Variants in TENM1 observed in about 807,000 individuals in gnomAD.
The protein encoded by TENM1 is teneurin transmembrane protein 1.
In TENM1, 35 loss-of-function variants were observed where a neutral mutation model predicts 174.8. That is an observed-to-expected ratio of 0.20 (90% CI 0.15 to 0.27). The LOEUF (loss-of-function observed/expected upper bound fraction) is 0.27. Ranked by LOEUF, TENM1 falls within the 10% of genes least tolerant of loss-of-function variation. The probability of loss-of-function intolerance (pLI) is 1.00; values close to 1 mark genes in which losing one functional copy is unlikely to be tolerated. For missense variants in TENM1, 1,633 were observed against 2,130.1 expected (o/e 0.77, Z 4.59); for synonymous variants, 781 against 798.7 (o/e 0.98, Z 0.37).
At chrX:124,546,641 T>G (rs1442917876) in intron 15 of TENM1, among the ~76,000 whole-genome samples, 1 of 111,986 alleles carries the variant, frequency 8.9e-6, no homozygotes. Context: ...AAAAGCCATA[T>G]TATATATATA....
intron 20 of TENM1, among the ~76,000 whole-genome samples, chrX:124,488,699 G>T (rs1350776900): frequency 8.9e-6 from 1 of 112,338 alleles, no homozygotes; most frequent in Non-Finnish European, 1.9e-5. Context: ...ATTATAGAAT[G>T]AGTGTGTTTG....
chrX:125,055,527 T>C, the TENM1 span, among the ~76,000 whole-genome samples: 1 of 111,748 alleles, frequency 8.9e-6, no homozygotes, highest in African/African-American at 3.2e-5. Context: ...TCCCACCAAC[T>C]ACCACAGTGG....
intron 1 of TENM1, among the ~76,000 whole-genome samples, chrX:124,927,797 T>C (rs1055986105): frequency 1.8e-5 from 2 of 111,367 alleles, no homozygotes; most frequent in Admixed American, 9.6e-5. Flanking sequence ...AATTGCACTG[T>C]AGGGAAATAA....
intron 3 of TENM1, among the ~76,000 whole-genome samples, chrX:124,738,979 AG>A (rs1183504505): frequency 8.9e-6 from 1 of 112,253 alleles, no homozygotes; most frequent in Non-Finnish European, 1.9e-5. Flanking sequence ...TAAGATTTAG[AG>A]ACAAAGAATT....
intron 11 of TENM1, among the ~76,000 whole-genome samples, chrX:124,627,054 T>C (rs1483112481): frequency 8.9e-6 from 1 of 111,989 alleles, no homozygotes; most frequent in Non-Finnish European, 1.9e-5. Context: ...ATCCTTGGTA[T>C]AGCTGTTCCA....
chrX:124,751,528 A>C (rs1427649120), intron 3 of TENM1, among the ~76,000 whole-genome samples: 2 of 109,981 alleles, frequency 1.8e-5, no homozygotes, highest in Admixed American at 9.7e-5. Context: ...TTTAGGGTAC[A>C]TGTGCACAAT....
chrX:124,770,530 C>T (rs1028040021), intron 3 of TENM1, among the ~76,000 whole-genome samples: 2 of 110,799 alleles, frequency 1.8e-5, no homozygotes, highest in African/African-American at 6.6e-5. Context: ...CTCAGCCTCC[C>T]GAGTAGCTGG....
At chrX:125,153,128 G>A in the TENM1 span, among the ~76,000 whole-genome samples, 1 of 111,976 alleles carries the variant, frequency 8.9e-6, no homozygotes, top group Non-Finnish European at 1.9e-5. Context: ...GGTAAAACCA[G>A]CAGAATTCTC....
intron 1 of TENM1, among the ~76,000 whole-genome samples, chrX:124,946,287 G>A (rs866995891): frequency 7.1e-5 from 8 of 112,165 alleles, no homozygotes; most frequent in South Asian, 3.8e-4. Flanking sequence ...TTTGAGATAC[G>A]TATCAGACAT....
chrX:124,541,522 G>A (rs946471236), intron 15 of TENM1, among the ~76,000 whole-genome samples: 2 of 112,274 alleles, frequency 1.8e-5, no homozygotes, highest in Non-Finnish European at 3.8e-5. Context: ...GGCATCACCA[G>A]AAGCTGAGCA....
chrX:125,122,282 A>G, the TENM1 span, among the ~76,000 whole-genome samples: 4 of 111,654 alleles, frequency 3.6e-5, no homozygotes, highest in African/African-American at 1.3e-4. Flanking sequence ...GGTTATGTCA[A>G]TATGACTCCA....
chrX:124,494,957 A>G (rs1280994365), intron 20 of TENM1, among the ~76,000 whole-genome samples: 2 of 94,263 alleles, frequency 2.1e-5, no homozygotes, highest in South Asian at 5.7e-4. Flanking sequence ...ATCGTGAATA[A>G]TGCCGCAATA....
chrX:125,007,141 C>T, the TENM1 span, among the ~76,000 whole-genome samples: 1 of 111,261 alleles, frequency 9.0e-6, no homozygotes, highest in Non-Finnish European at 1.9e-5. Context: ...TAAAAAGTTA[C>T]AGAGCTGCTA....
chrX:124,482,208 T>C (rs888936237), intron 21 of TENM1, among the ~76,000 whole-genome samples: 1 of 110,623 alleles, frequency 9.0e-6, no homozygotes, highest in African/African-American at 3.3e-5. Context: ...CATTTGGGGA[T>C]AGAAAGAAAC....
At chrX:124,970,582 T>G in the TENM1 span, among the ~76,000 whole-genome samples, 906 of 112,230 alleles carry the variant, frequency 8.1e-3, 15 homozygotes, top group African/African-American at 0.026. Context: ...AGAAAGCACT[T>G]AAGAAGTGAA....
intron 27 of TENM1, among the ~76,000 whole-genome samples, chrX:124,397,004 C>T (rs955438364): frequency 1.8e-5 from 2 of 111,250 alleles, no homozygotes; most frequent in South Asian, 3.8e-4. Context: ...GATGGATCTA[C>T]GCTGTAATGC....
chrX:124,509,865 C>T (rs780224228), intron 18 of TENM1, among the ~76,000 whole-genome samples: 8 of 108,045 alleles, frequency 7.4e-5, no homozygotes, highest in East Asian at 5.8e-4. Flanking sequence ...GGATTACAGG[C>T]ATGTGCCACC....
chrX:124,852,845 A>G (rs1195358242), intron 3 of TENM1, among the ~76,000 whole-genome samples: 3 of 111,633 alleles, frequency 2.7e-5, no homozygotes, highest in African/African-American at 9.8e-5. Flanking sequence ...AGGAGTCTAA[A>G]AAGACTGGAT....
At chrX:124,506,711 A>G (rs189902218) in intron 18 of TENM1, among the ~76,000 whole-genome samples, 1 of 111,504 alleles carries the variant, frequency 9.0e-6, no homozygotes, top group Admixed American at 9.6e-5. Flanking sequence ...GCCCACTTTA[A>G]CATAATCCTG....
Sources: gnomAD v4.1 joint callset for allele counts (sites outside exome capture counted in the v4.1 genomes callset) on GRCh38, gnomAD v4.1.1 for gene constraint, MANE v1.5 for transcripts, NCBI Gene and HGNC (gene_info 2026-07-23, HGNC 2026-07-21) for gene names.